Variants in CUL1 observed in about 807,000 individuals in gnomAD.
CUL1 encodes the protein cullin 1, also known as cullin-1.
A neutral mutation model predicts 118.0 loss-of-function variants in CUL1; 24 were observed. The ratio of observed to expected loss-of-function variants is 0.20; its 90% CI spans 0.15 to 0.29. CUL1 has a LOEUF of 0.29. Among genes scored for constraint, CUL1 ranks in the 10% least tolerant of loss-of-function variants. The pLI, the probability that CUL1 is intolerant of heterozygous loss-of-function variation, is 1.00. For missense variants in CUL1, 361 were observed against 933.8 expected (o/e 0.39, Z 7.99); for synonymous variants, 332 against 340.4 (o/e 0.98, Z 0.27).
At chr7:148,793,768 C>T (rs1304446948) in intron 17 of CUL1, among the ~76,000 whole-genome samples, 1 of 152,186 alleles carries the variant, frequency 6.6e-6, no homozygotes, top group African/African-American at 2.4e-5. Context: ...TGGGTATATA[C>T]CTAGGTATAG....
At chr7:148,793,949 A>T (rs149483979) in intron 17 of CUL1, among the ~76,000 whole-genome samples, 282 of 152,224 alleles carry the variant, frequency 1.9e-3, no homozygotes, top group African/African-American at 6.2e-3. Flanking sequence ...ATCCCAGTGG[A>T]TGTGAAGTAG....
At chr7:148,784,375 A>G (rs1800752847) in intron 11 of CUL1, among the ~76,000 whole-genome samples, 1 of 152,198 alleles carries the variant, frequency 6.6e-6, no homozygotes, top group African/African-American at 2.4e-5. Context: ...CGTTCAGTTC[A>G]GAGTGGTATG....
chr7:148,719,076 C>A (rs1334105615), intron 1 of CUL1, among the ~76,000 whole-genome samples: 2 of 152,098 alleles, frequency 1.3e-5, no homozygotes, highest in South Asian at 2.1e-4. Context: ...CTTTGGGAGG[C>A]CGAGGCGGGC....
intron 1 of CUL1, among the ~76,000 whole-genome samples, chr7:148,701,314 C>CTT: frequency 6.6e-6 from 1 of 152,240 alleles, no homozygotes; most frequent in Non-Finnish European, 1.5e-5. Flanking sequence ...CTCATCCCTC[C>CTT]TTTTCTATTC....
chr7:148,717,560 C>T (rs1339124817), intron 1 of CUL1, among the ~76,000 whole-genome samples: 1 of 151,976 alleles, frequency 6.6e-6, no homozygotes, highest in Non-Finnish European at 1.5e-5. Context: ...CTAAGTTGAG[C>T]CGTTATCTCG....
chr7:148,780,526 G>A (rs979854578), intron 9 of CUL1, among the ~76,000 whole-genome samples: 21 of 152,344 alleles, frequency 1.4e-4, no homozygotes, highest in African/African-American at 4.8e-4. Context: ...GGCACTTGCC[G>A]AGAAGAGCTC....
At chr7:148,757,688 G>A (rs1799701274) in intron 4 of CUL1, among the ~76,000 whole-genome samples, 1 of 152,184 alleles carries the variant, frequency 6.6e-6, no homozygotes, top group Admixed American at 6.5e-5. Context: ...TTTTCATACT[G>A]CTGATAAAGA....
intron 3 of CUL1, among the ~76,000 whole-genome samples, 175 bp from the exon 4 acceptor site, chr7:148,756,808 A>G (rs976182611): frequency 1.3e-5 from 2 of 152,222 alleles, no homozygotes; most frequent in Non-Finnish European, 2.9e-5. Flanking sequence ...TTATTTTACT[A>G]TATTCTTGTG....
At position 148,786,612 on chromosome 7, in the gene CUL1, T is replaced by G; in HGVS notation, c.1347+13T>G. On this transcript the variant is annotated intron_variant, in intron 12 of 21. Transcript: ENST00000325222. ...ACTCAATCAAGTGGTAAGTGCTTCATGAGCATACCCATTTCCAGTAGCTGT... is the reference window on the plus strand; with the variant it reads ...ACTCAATCAAGTGGTAAGTGCTTCAGGAGCATACCCATTTCCAGTAGCTGT... 2 of 1,610,490 alleles carry G rather than the reference T, an allele frequency of 1.2e-6. No individual in the cohort carries two copies. The highest frequency in any genetic ancestry group is 1.7e-6 in the Non-Finnish European group (2 of 1,177,040).
chr7:148,793,917 A>G (rs1017081008), intron 17 of CUL1, among the ~76,000 whole-genome samples: 6 of 152,044 alleles, frequency 3.9e-5, no homozygotes, highest in African/African-American at 1.4e-4. Flanking sequence ...TGTTATTTTC[A>G]TTTTTAAAAA....
chr7:148,764,080 G>A (rs978704073), intron 7 of CUL1, among the ~76,000 whole-genome samples: 2 of 152,164 alleles, frequency 1.3e-5, no homozygotes, highest in Non-Finnish European at 2.9e-5. Flanking sequence ...TATGACTACT[G>A]TAGGTTTCTA....
chr7:148,743,657 A>G (rs1799215791), intron 2 of CUL1, among the ~76,000 whole-genome samples: 1 of 152,194 alleles, frequency 6.6e-6, no homozygotes, highest in South Asian at 2.1e-4. Context: ...TAATCCCAGC[A>G]CATTGGGAGG....
chr7:148,770,851 C>T (rs1198222531), intron 9 of CUL1, among the ~76,000 whole-genome samples: 3 of 152,112 alleles, frequency 2.0e-5, no homozygotes, highest in Admixed American at 6.5e-5. Context: ...ATGTAAAAGA[C>T]ACATTGTAAC....
At chr7:148,768,207 G>A (rs1800069441) in intron 9 of CUL1, among the ~76,000 whole-genome samples, 1 of 151,878 alleles carries the variant, frequency 6.6e-6, no homozygotes, top group African/African-American at 2.4e-5. Context: ...GCTTCCCCAG[G>A]GCTACATAGA....
chr7:148,772,563 CGTT>C (rs1800249976), intron 9 of CUL1, among the ~76,000 whole-genome samples: 1 of 152,272 alleles, frequency 6.6e-6, no homozygotes, highest in African/African-American at 2.4e-5. Context: ...AAACTGAAAT[CGTT>C]GTTTCATTTC....
intron 2 of CUL1, among the ~76,000 whole-genome samples, chr7:148,738,197 G>T (rs943885252): frequency 5.3e-5 from 8 of 152,116 alleles, no homozygotes; most frequent in African/African-American, 1.7e-4. Context: ...TACTGGCTCC[G>T]TCATCCTGCT....
At chr7:148,724,307 A>G (rs565685528) in intron 1 of CUL1, among the ~76,000 whole-genome samples, 155 of 152,346 alleles carry the variant, frequency 1.0e-3, no homozygotes, top group African/African-American at 3.2e-3. Flanking sequence ...TTCTTTTGGA[A>G]TAACAGTCTT....
At chr7:148,713,007 C>A (rs1373041732) in intron 1 of CUL1, among the ~76,000 whole-genome samples, 1 of 152,096 alleles carries the variant, frequency 6.6e-6, no homozygotes, top group East Asian at 1.9e-4. Flanking sequence ...TCTATGAGCT[C>A]TTTTTCTTTA....
chr7:148,736,993 T>C (rs1798965677), intron 2 of CUL1, among the ~76,000 whole-genome samples: 1 of 152,242 alleles, frequency 6.6e-6, no homozygotes, highest in African/African-American at 2.4e-5. Flanking sequence ...CTTCTAGATT[T>C]TCGTATAGAG....
Sources: gnomAD v4.1 joint callset for allele counts (sites outside exome capture counted in the v4.1 genomes callset) on GRCh38, gnomAD v4.1.1 for gene constraint, MANE v1.5 for transcripts, NCBI Gene and HGNC (gene_info 2026-07-23, HGNC 2026-07-21) for gene names.